MAML3: variants seen among roughly 807,000 people sequenced by gnomAD.
MAML3 encodes mastermind like transcriptional coactivator 3, also known as mastermind-like protein 3.
In MAML3, 27 loss-of-function variants were observed where a neutral mutation model predicts 101.9. That is an observed-to-expected ratio of 0.27 (90% CI 0.20 to 0.37). The LOEUF (loss-of-function observed/expected upper bound fraction) is 0.37. Ranked by LOEUF, MAML3 falls within the 10% of genes least tolerant of loss-of-function variation. The pLI is 1.00. For synonymous variants in MAML3, 501 were observed against 555.9 expected, an observed-to-expected ratio of 0.90 and a Z score of 1.39; for missense variants, 1,316 against 1,444.9, an observed-to-expected ratio of 0.91 and a Z score of 1.45.
chr4:139,813,845 A>C (rs1730846551), intron 2 of MAML3, among the ~76,000 whole-genome samples: 1 of 152,186 alleles, frequency 6.6e-6, no homozygotes, highest in African/African-American at 2.4e-5. Context: ...TGATGTTTGC[A>C]AATGTATTGA....
intron 1 of MAML3, among the ~76,000 whole-genome samples, chr4:139,932,166 A>G (rs1733412897): frequency 2.5e-5 from 2 of 80,146 alleles, no homozygotes; most frequent in South Asian, 9.3e-4. Context: ...CAACAGGGAC[A>G]GTAACTTTCT....
chr4:140,105,054 A>G (rs1728328206), intron 1 of MAML3, among the ~76,000 whole-genome samples: 1 of 152,130 alleles, frequency 6.6e-6, no homozygotes, highest in Non-Finnish European at 1.5e-5. Flanking sequence ...TTTCCACCAG[A>G]ATCCCCTGCT....
At chr4:140,035,871 T>C (rs1039001712) in intron 1 of MAML3, among the ~76,000 whole-genome samples, 6 of 152,222 alleles carry the variant, frequency 3.9e-5, no homozygotes, top group Admixed American at 3.9e-4. Flanking sequence ...GGTAATGCTT[T>C]AGTTTAATTC....
intron 1 of MAML3, among the ~76,000 whole-genome samples, chr4:139,949,428 C>T (rs921030142): frequency 6.6e-6 from 1 of 152,128 alleles, no homozygotes; most frequent in African/African-American, 2.4e-5. Context: ...TCTTCTGACA[C>T]CAAGATAAAA....
At chr4:139,874,949 G>A (rs981288178) in intron 2 of MAML3, among the ~76,000 whole-genome samples, 3 of 151,896 alleles carry the variant, frequency 2.0e-5, no homozygotes, top group Non-Finnish European at 2.9e-5. Flanking sequence ...AATTACAGGC[G>A]TCTGCCACCA....
chr4:139,808,681 A>G (rs1730741608), intron 2 of MAML3, among the ~76,000 whole-genome samples: 1 of 152,088 alleles, frequency 6.6e-6, no homozygotes, highest in African/African-American at 2.4e-5. Context: ...TCCCTCCCAC[A>G]TTTCCTGTCA....
chr4:139,792,950 G>A (rs571828959), intron 2 of MAML3, among the ~76,000 whole-genome samples: 99 of 152,126 alleles, frequency 6.5e-4, no homozygotes, highest in Non-Finnish European at 1.0e-3. Context: ...GTTTCACCAT[G>A]TTAGCCAGGA....
At chr4:139,831,399 G>A (rs1731160120) in intron 2 of MAML3, among the ~76,000 whole-genome samples, 1 of 152,092 alleles carries the variant, frequency 6.6e-6, no homozygotes, top group African/African-American at 2.4e-5. Context: ...AAGATTCACT[G>A]ACACCAAGTG....
intron 1 of MAML3, among the ~76,000 whole-genome samples, chr4:139,901,290 T>C (rs1162360204): frequency 6.6e-6 from 1 of 152,242 alleles, no homozygotes; most frequent in African/African-American, 2.4e-5. Flanking sequence ...CAGCGGTAGC[T>C]TCCTTCACTC....
chr4:139,762,818 C>T (rs769757570), intron 2 of MAML3, among the ~76,000 whole-genome samples: 3 of 152,130 alleles, frequency 2.0e-5, no homozygotes, highest in African/African-American at 7.2e-5. Context: ...AACCATCTGA[C>T]GGGGCTTTAA....
At position 140,018,709 on chromosome 4, in the gene MAML3, A is replaced by G. The variant is rs1175567857; in HGVS notation, c.469-127742T>C. Reference sequence around the variant, plus strand: ...AGATAAAATAGAAATGGTTTCTGCTAATCATGTTTTTATGATTTTATGTTT... The same window carrying G: ...AGATAAAATAGAAATGGTTTCTGCTGATCATGTTTTTATGATTTTATGTTT... On this transcript the variant is annotated intron_variant, in intron 1 of 4. Transcript: ENST00000509479. Among the ~76,000 whole-genome samples the G allele has an allele frequency of 2.0e-5, 3 of 152,342 alleles. No homozygotes were observed. In the East Asian group the frequency reaches 5.8e-4, roughly 29 times the overall value.
At chr4:139,940,091 G>A (rs769667) in intron 1 of MAML3, among the ~76,000 whole-genome samples, 5,500 of 152,086 alleles carry the variant, frequency 0.036, 320 homozygotes, top group African/African-American at 0.13. Context: ...AACCAGTTTT[G>A]TACCTCTACA....
At chr4:140,125,803 G>C (rs1728673604) in intron 1 of MAML3, among the ~76,000 whole-genome samples, 1 of 152,166 alleles carries the variant, frequency 6.6e-6, no homozygotes, top group African/African-American at 2.4e-5. Context: ...TTTTGAGACA[G>C]AGTCTTGCTC....
At chr4:140,076,853 T>A (rs1727775886) in intron 1 of MAML3, among the ~76,000 whole-genome samples, 1 of 152,098 alleles carries the variant, frequency 6.6e-6, no homozygotes, top group South Asian at 2.1e-4. Flanking sequence ...CGTTTTTGTT[T>A]TTTTGTTGTT....
chr4:140,133,074 C>T (rs1451952895), intron 1 of MAML3: 2 of 443,280 alleles, frequency 4.5e-6, no homozygotes, highest in Non-Finnish European at 9.1e-6. Context: ...AGATGGATTT[C>T]TATCAAAAGG....
intron 2 of MAML3, among the ~76,000 whole-genome samples, chr4:139,790,298 T>A (rs1730385532): frequency 6.8e-6 from 1 of 147,148 alleles, no homozygotes; most frequent in Non-Finnish European, 1.5e-5. Flanking sequence ...CCTATATATA[T>A]AATATATATA....
In MAML3 at chr4:140,130,783, T is replaced by C. The variant is rs556755620; in HGVS notation, c.468+22077A>G. 4.7e-4 allele frequency among the ~76,000 whole-genome samples: 72 copies of C among 152,268 alleles called. 1 individual carries two copies. The highest frequency in any genetic ancestry group is 8.4e-4 in the Non-Finnish European group (57 of 68,026). ...AATTAATAAGGATATGATGAAATAG[T>C]CAATATTATGCAGGTTCATTCAAGA... On this transcript the variant is annotated intron_variant, in intron 1 of 4. Coordinates refer to ENST00000509479, the MANE Select transcript of MAML3 (RefSeq NM_018717.5).
At chr4:139,944,492 C>T (rs1276834845) in intron 1 of MAML3, among the ~76,000 whole-genome samples, 2 of 152,034 alleles carry the variant, frequency 1.3e-5, no homozygotes, top group Non-Finnish European at 2.9e-5. Flanking sequence ...ATCCATGTCC[C>T]TACAAAGGAC....
chr4:140,062,972 A>C (rs1238825319), intron 1 of MAML3, among the ~76,000 whole-genome samples: 6 of 152,192 alleles, frequency 3.9e-5, no homozygotes, highest in Non-Finnish European at 7.3e-5. Context: ...TTTTTCATAG[A>C]AAGTATTACC....
Sources: gnomAD v4.1 joint callset for allele counts (sites outside exome capture counted in the v4.1 genomes callset) on GRCh38, gnomAD v4.1.1 for gene constraint, MANE v1.5 for transcripts, NCBI Gene and HGNC (gene_info 2026-07-23, HGNC 2026-07-21) for gene names.